Variants in ST6GAL2 observed in about 807,000 individuals in gnomAD.
ST6GAL2 encodes the protein ST6 beta-galactoside alpha-2,6-sialyltransferase 2.
ST6GAL2 carries 24 observed loss-of-function variants against 37.5 expected under a neutral mutation model. That is an observed-to-expected ratio of 0.64 (90% CI 0.46 to 0.90). ST6GAL2 has a LOEUF of 0.90. Ranked by LOEUF, ST6GAL2 falls within the 40% of genes least tolerant of loss-of-function variation. ST6GAL2 has a pLI of 0.00. For missense variants in ST6GAL2, 715 were observed against 712.7 expected (o/e 1.00, Z -0.04); for synonymous variants, 306 against 295.1 (o/e 1.04, Z -0.38).
intron 5 of ST6GAL2, among the ~76,000 whole-genome samples, chr2:106,822,548 T>C (rs1373700418): frequency 6.6e-6 from 1 of 152,138 alleles, no homozygotes; most frequent in Admixed American, 6.5e-5. Flanking sequence ...GAAGAATCAA[T>C]ACTGTTCAAA....
At chr2:106,821,877 T>C (rs1676017365) in intron 5 of ST6GAL2, among the ~76,000 whole-genome samples, 1 of 152,076 alleles carries the variant, frequency 6.6e-6, no homozygotes, top group Non-Finnish European at 1.5e-5. Flanking sequence ...TCAATCAATG[T>C]GATACATTAA....
At chr2:106,863,421 G>C (rs1006704792) in intron 1 of ST6GAL2, among the ~76,000 whole-genome samples, 2 of 152,146 alleles carry the variant, frequency 1.3e-5, no homozygotes, top group African/African-American at 2.4e-5. Flanking sequence ...GGAATCTCAA[G>C]AACAAAACTA....
chr2:106,884,053 T>C (rs375182822), intron 1 of ST6GAL2, among the ~76,000 whole-genome samples: 67 of 151,902 alleles, frequency 4.4e-4, no homozygotes, highest in African/African-American at 1.5e-3. Flanking sequence ...AAAATTTCAG[T>C]CAGTATCAGT....
At position 106,858,905 on chromosome 2, in the gene ST6GAL2, A is replaced by C. The variant is rs971819231; in HGVS notation, c.-57-14871T>G. On this transcript the variant is annotated intron_variant, in intron 1 of 5. Transcript: ENST00000409382. ...TCTGTGCTCAGAATGGCAAGGGAGGACAGCCAGATGGGCCCCAAAAAAGGA... is the reference window on the plus strand; with the variant it reads ...TCTGTGCTCAGAATGGCAAGGGAGGCCAGCCAGATGGGCCCCAAAAAAGGA... Among the ~76,000 whole-genome samples the C allele has an allele frequency of 5.3e-4, 80 of 152,296 alleles. 4 individuals are homozygous for C. In the East Asian group the frequency reaches 0.015, roughly 29 times the overall value.
chr2:106,870,588 T>C (rs1056719966), intron 1 of ST6GAL2, among the ~76,000 whole-genome samples: 3 of 152,264 alleles, frequency 2.0e-5, no homozygotes, highest in African/African-American at 7.2e-5. Flanking sequence ...AGTTCATCTC[T>C]TCTCCCAAAA....
chr2:106,835,181 A>G (rs1305908233), intron 2 of ST6GAL2, among the ~76,000 whole-genome samples: 3 of 152,216 alleles, frequency 2.0e-5, no homozygotes, highest in Non-Finnish European at 4.4e-5. Flanking sequence ...GGCCATCTTT[A>G]GCTTTAAATA....
At chr2:106,831,524 G>A (rs546103581) in intron 4 of ST6GAL2, among the ~76,000 whole-genome samples, 38 of 152,284 alleles carry the variant, frequency 2.5e-4, no homozygotes, top group African/African-American at 6.7e-4. Context: ...GATTCTCAGC[G>A]GAGGGTACAT....
intron 5 of ST6GAL2, among the ~76,000 whole-genome samples, chr2:106,811,136 T>G (rs959673607): frequency 1.3e-5 from 2 of 152,092 alleles, no homozygotes; most frequent in Non-Finnish European, 2.9e-5. Flanking sequence ...TTTAAGGCTG[T>G]TGTTATACAT....
intron 1 of ST6GAL2, among the ~76,000 whole-genome samples, chr2:106,866,213 GC>G (rs1345692907): frequency 2.6e-5 from 4 of 152,154 alleles, no homozygotes; most frequent in Non-Finnish European, 4.4e-5. Flanking sequence ...AGTTTCTAGG[GC>G]TGGCTTGCTG....
chr2:106,807,000 G>A, intron 5 of ST6GAL2, 51 bp from the exon 6 acceptor site: 1 of 1,516,876 alleles, frequency 6.6e-7, no homozygotes, highest in Non-Finnish European at 8.9e-7. Flanking sequence ...CATGTGAGAG[G>A]GATGAGTTTT....
intron 1 of ST6GAL2, among the ~76,000 whole-genome samples, chr2:106,859,978 C>T (rs912525727): frequency 6.6e-6 from 1 of 152,102 alleles, no homozygotes; most frequent in African/African-American, 2.4e-5. Context: ...CCCTCCTACC[C>T]GACCCCTTGC....
intron 5 of ST6GAL2, among the ~76,000 whole-genome samples, chr2:106,827,796 G>A (rs1311494988): frequency 6.6e-6 from 1 of 152,178 alleles, no homozygotes; most frequent in Non-Finnish European, 1.5e-5. Flanking sequence ...TGACATAATT[G>A]AAACATAAGT....
rs1675295348 is a variant in ST6GAL2 at position 106,802,674 on chromosome 2, A to G, written c.*4004T>C. ...ATTTCCAGATGGAGTTGCCTTGATCAGTCATGTAACCACTGGGTAAGAGTT... is the reference window on the plus strand; with the variant it reads ...ATTTCCAGATGGAGTTGCCTTGATCGGTCATGTAACCACTGGGTAAGAGTT... On this transcript the variant is annotated 3_prime_UTR_variant, in exon 6 of 6. Transcript: ENST00000409382. 6.6e-6 allele frequency: 1 copy of G among 152,242 alleles called. No homozygotes were observed. The highest frequency in any genetic ancestry group is 1.5e-5 in the Non-Finnish European group (1 of 68,040). The allele number at this position is 152,242 out of a possible 1,614,324, so 9.4% of individuals were successfully genotyped here. A position where few individuals can be genotyped will look rare whatever the true frequency, so the allele number is the denominator to read the frequency against.
intron 1 of ST6GAL2, among the ~76,000 whole-genome samples, chr2:106,869,993 G>A (rs2104612993): frequency 6.6e-6 from 1 of 152,328 alleles, no homozygotes; most frequent in Middle Eastern, 3.4e-3. Flanking sequence ...CTTCAGTGGT[G>A]TGACGGACCA....
chr2:106,843,131 C>A lies in ST6GAL2; in HGVS notation c.847G>T (p.Val283Leu). ...ALGWRRLVPA[V>L]PLSQLHPRGL... Reference sequence around the variant, plus strand: ...CGGGGGTGCAGCTGGCTCAGGGGCACGGCGGGCACCAGGCGCCGCCAGCCC... The same window carrying A: ...CGGGGGTGCAGCTGGCTCAGGGGCAAGGCGGGCACCAGGCGCCGCCAGCCC... The change falls in exon 2 of 6, where the codon GTG (valine) becomes TTG (leucine). Residue 283 changes from valine to leucine, a missense_variant. Val to Leu is a conservative substitution (Grantham distance 32, BLOSUM62 1). This residue lies in a region of ST6GAL2 where 512 missense variants were observed against 488.8 expected (regional missense o/e 1.05). Coordinates refer to ENST00000409382, the MANE Select transcript of ST6GAL2 (RefSeq NM_001142351.2). 1 of 1,566,816 alleles carries A rather than the reference C, an allele frequency of 6.4e-7. No individual in the cohort carries two copies. Among genetic ancestry groups the A allele is most frequent in the African/African-American group, 1.4e-5 (1 of 72,228 alleles).
At position 106,843,103 on chromosome 2, in the gene ST6GAL2, C is replaced by A; in HGVS notation, c.875G>T (p.Gly292Val). Residue 292 changes from glycine to valine, a missense_variant, in exon 2 of 6, where the codon GGC becomes GTC. Transcript: ENST00000409382. ...CATGACGACAGCGCAGCTGCGCAGGCCGCGGGGGTGCAGCTGGCTCAGGGG... is the reference window on the plus strand; with the variant it reads ...CATGACGACAGCGCAGCTGCGCAGGACGCGGGGGTGCAGCTGGCTCAGGGG... ...AVPLSQLHPR[G>V]LRSCAVVMSA... 1.9e-6 allele frequency: 3 copies of A among 1,549,044 alleles called. No homozygotes were observed. Among genetic ancestry groups the A allele is most frequent in the South Asian group, 1.2e-5 (1 of 82,236 alleles).
intron 3 of ST6GAL2, among the ~76,000 whole-genome samples, 192 bp downstream of exon 3, chr2:106,833,857 T>C (rs1394592061): frequency 2.6e-5 from 4 of 152,218 alleles, no homozygotes; most frequent in African/African-American, 9.7e-5. Flanking sequence ...TCATGTCATG[T>C]CTAAATTCCC....
intron 2 of ST6GAL2, among the ~76,000 whole-genome samples, chr2:106,842,383 A>G (rs986477363): frequency 6.6e-6 from 1 of 152,128 alleles, no homozygotes; most frequent in Admixed American, 6.5e-5. Context: ...CATCTTGGAG[A>G]AGGTCCCTGG....
chr2:106,817,764 G>C (rs192263293), intron 5 of ST6GAL2, among the ~76,000 whole-genome samples: 15 of 152,334 alleles, frequency 9.8e-5, no homozygotes, highest in African/African-American at 3.4e-4. Flanking sequence ...CACCAAGCAG[G>C]CTCCTGGGGT....
Sources: allele counts gnomAD v4.1 joint callset (sites outside exome capture counted in the v4.1 genomes callset), GRCh38; gene constraint gnomAD v4.1.1; regional missense constraint gnomAD v4.1.1; transcripts MANE v1.5; gene names NCBI Gene and HGNC (gene_info 2026-07-23, HGNC 2026-07-21).